HSF2BP: variants seen among roughly 807,000 people sequenced by gnomAD.
The protein encoded by HSF2BP is heat shock transcription factor 2 binding protein.
Under a neutral mutation model 35.0 loss-of-function variants are expected in HSF2BP, and 35 were observed. The observed-to-expected ratio is 1.00, with a 90% CI of 0.76 to 1.32. The LOEUF (loss-of-function observed/expected upper bound fraction) is 1.32. HSF2BP is among the 40% of genes most tolerant of loss of function. The pLI is 0.00. For missense variants in HSF2BP, 326 were observed against 321.7 expected (o/e 1.01, Z -0.10); for synonymous variants, 114 against 117.4 (o/e 0.97, Z 0.18).
At chr21:43,647,806 A>G (rs1177540696) in intron 3 of HSF2BP, among the ~76,000 whole-genome samples, 1 of 151,862 alleles carries the variant, frequency 6.6e-6, no homozygotes, top group East Asian at 1.9e-4. Context: ...GTACACGCCC[A>G]TAGTCCCAGC....
At chr21:43,655,727 A>G (rs2082858271) in intron 3 of HSF2BP, among the ~76,000 whole-genome samples, 7 of 152,244 alleles carry the variant, frequency 4.6e-5, no homozygotes, top group Admixed American at 2.0e-4. Context: ...AGAGCACACC[A>G]CAGGGCAGAG....
intron 6 of HSF2BP, among the ~76,000 whole-genome samples, chr21:43,622,680 T>TAA (rs2082344327): frequency 6.6e-6 from 1 of 152,080 alleles, no homozygotes; most frequent in South Asian, 2.1e-4. Context: ...AATCAATCAT[T>TAA]AATAAATCTA....
At chr21:43,613,510 A>G (rs1352386638) in intron 7 of HSF2BP, among the ~76,000 whole-genome samples, 3 of 152,256 alleles carry the variant, frequency 2.0e-5, no homozygotes, top group Admixed American at 6.5e-5. Flanking sequence ...AATTTGTTAC[A>G]TAAAAATAGA....
chr21:43,584,016 G>A (rs1343171528), intron 8 of HSF2BP, among the ~76,000 whole-genome samples: 1 of 128,340 alleles, frequency 7.8e-6, no homozygotes, highest in Non-Finnish European at 1.7e-5. Flanking sequence ...TGCTGAGGGA[G>A]ATGAAGACCT....
At chr21:43,467,901 A>G in the HSF2BP span, among the ~76,000 whole-genome samples, 1 of 110,296 alleles carries the variant, frequency 9.1e-6, no homozygotes, top group Admixed American at 9.1e-5. Flanking sequence ...CACACCACAC[A>G]CACGCACCAC....
At chr21:43,588,136 G>A (rs865912842) in intron 8 of HSF2BP, among the ~76,000 whole-genome samples, 17 of 152,152 alleles carry the variant, frequency 1.1e-4, no homozygotes, top group African/African-American at 3.4e-4. Context: ...CCGGCACTCC[G>A]AGAGGCCGAG....
chr21:43,604,972 CCA>C (rs1275547091), intron 7 of HSF2BP, among the ~76,000 whole-genome samples: 1 of 148,092 alleles, frequency 6.8e-6, no homozygotes, highest in Admixed American at 6.7e-5. Context: ...ACACTACACA[CCA>C]CACACACATC....
chr21:43,591,644 G>A (rs558309762), intron 8 of HSF2BP, among the ~76,000 whole-genome samples: 5 of 152,162 alleles, frequency 3.3e-5, no homozygotes, highest in African/African-American at 1.2e-4. Context: ...AGAAGAACAG[G>A]TATACAGTAG....
At chr21:43,632,400 C>T (rs2082490271) in intron 5 of HSF2BP, among the ~76,000 whole-genome samples, 1 of 138,198 alleles carries the variant, frequency 7.2e-6, no homozygotes, top group Non-Finnish European at 1.6e-5. Context: ...CACACACACT[C>T]CCCCACACAC....
chr21:43,650,441 G>A lies in HSF2BP; in HGVS notation c.188-6049C>T, dbSNP rs560670955. 1.0e-3 allele frequency among the ~76,000 whole-genome samples: 156 copies of A among 151,992 alleles called. 2 individuals carry two copies. Among genetic ancestry groups the A allele is most frequent in the African/African-American group, 3.5e-3 (145 of 41,466 alleles). The stretch of plus-strand genomic sequence containing the variant: ...AGGATGGTCTCGATCTCCTGACCTC[G>A]TGATCCGCCCACTTCGGCCTCCCAA... On this transcript the variant is annotated intron_variant, in intron 3 of 8. Transcript: ENST00000291560.
chr21:43,605,406 C>A (rs898106726), intron 7 of HSF2BP, among the ~76,000 whole-genome samples: 1 of 142,306 alleles, frequency 7.0e-6, no homozygotes, highest in Non-Finnish European at 1.6e-5. Context: ...CACACATTCC[C>A]CACACCACAC....
Position 43,574,810 on chromosome 21 carries a change from G to A in HSF2BP, c.796+17415C>T, listed in dbSNP as rs142653223. Among the ~76,000 whole-genome samples, 1,503 of 152,146 alleles carry A rather than the reference G, an allele frequency of 9.9e-3. 21 individuals carry two copies. The highest frequency in any genetic ancestry group is 0.033 in the African/African-American group (1,364 of 41,428). On this transcript the variant is annotated intron_variant, in intron 8 of 8. Coordinates refer to ENST00000291560, the MANE Select transcript of HSF2BP (RefSeq NM_007031.2). ...ATCTTGCTTTTCCTTCCTCTGAGACGGCTTCCTCTCGGCTCAGCCTCCTTG... is the reference window on the plus strand; with the variant it reads ...ATCTTGCTTTTCCTTCCTCTGAGACAGCTTCCTCTCGGCTCAGCCTCCTTG...
At chr21:43,641,185 G>A (rs1309518733) in intron 4 of HSF2BP, among the ~76,000 whole-genome samples, 2 of 152,084 alleles carry the variant, frequency 1.3e-5, no homozygotes, top group Non-Finnish European at 2.9e-5. Flanking sequence ...TTTTTTAGTA[G>A]AAACGGGGTT....
chr21:43,610,972 T>A (rs1344858232), intron 7 of HSF2BP, among the ~76,000 whole-genome samples: 4 of 152,116 alleles, frequency 2.6e-5, no homozygotes, highest in Admixed American at 6.5e-5. Flanking sequence ...TGCAAGGTAC[T>A]TAAAAGGAAT....
chr21:43,620,507 A>G (rs1284571576), intron 6 of HSF2BP, among the ~76,000 whole-genome samples: 1 of 152,212 alleles, frequency 6.6e-6, no homozygotes, highest in Non-Finnish European at 1.5e-5. Context: ...CAGCCTCAGC[A>G]ACACAGCAAG....
intron 3 of HSF2BP, among the ~76,000 whole-genome samples, chr21:43,646,891 C>G (rs2082716041): frequency 6.6e-6 from 1 of 152,198 alleles, no homozygotes; most frequent in South Asian, 2.1e-4. Flanking sequence ...CCTGACCTTG[C>G]ATTTTCAACT....
Position 43,656,646 on chromosome 21 carries a change from G to A in HSF2BP, c.128C>T (p.Pro43Leu), listed in dbSNP as rs2082872750. The part of the protein sequence containing the change: ...TEVMQIRDFL[P>L]RILNGEVLES... ...CAGCACCTCCCCATTTAGTATTCTG[G>A]GTAAGAAGTCCCGTATTTGCATCAC... is the stretch of plus-strand genomic sequence containing the variant. The change falls in exon 3 of 9, where the codon CCC becomes CTC. Residue 43 changes from proline (P) to leucine (L), a missense_variant. Physicochemically the swap from Pro to Leu is moderately conservative, Grantham distance 98 (BLOSUM62 -3). Transcript: ENST00000291560. 2.5e-6 allele frequency: 4 copies of A among 1,613,742 alleles called. No homozygotes were observed. Among genetic ancestry groups the A allele is most frequent in the Non-Finnish European group, 3.4e-6 (4 of 1,179,884 alleles).
At chr21:43,467,411 G>C in the HSF2BP span, 1 of 76,658 alleles carries the variant, frequency 1.3e-5, no homozygotes, top group African/African-American at 5.7e-5. Flanking sequence ...GACTGCTCAG[G>C]GACAGACACA....
Position 43,659,426 on chromosome 21 carries a change from C to T in HSF2BP, c.-265G>A. The T allele has an allele frequency of 8.3e-6, 2 of 239,534 alleles. No homozygotes were observed. Among genetic ancestry groups the T allele is most frequent in the East Asian group, 9.8e-5 (1 of 10,212 alleles). 14.8% of individuals were successfully genotyped at this position (239,534 alleles called of 1,614,324 possible). ...CTGAATTTTGGCAACCGAAAGGCAG[C>T]GCCGGCGCCACGTGCACACGGGCTG... On this transcript the variant is annotated 5_prime_UTR_variant, in exon 1 of 9. Coordinates refer to ENST00000291560, the MANE Select transcript of HSF2BP (RefSeq NM_007031.2). The surrounding 1 kb of genome is among the most constrained non-coding windows in gnomAD (Gnocchi z 4.2).
Sources: gnomAD v4.1 joint callset for allele counts (sites outside exome capture counted in the v4.1 genomes callset) on GRCh38, gnomAD v4.1.1 for gene constraint, Gnocchi (gnomAD v3.1) non-coding constraint, MANE v1.5 for transcripts, NCBI Gene and HGNC (gene_info 2026-07-23, HGNC 2026-07-21) for gene names.